The following TRPM8 variants were observed in gnomAD, a reference collection of about 807,000 sequenced individuals.
The protein encoded by TRPM8 is transient receptor potential cation channel subfamily M member 8.
Under a neutral mutation model 133.7 loss-of-function variants are expected in TRPM8, and 110 were observed. The ratio of observed to expected loss-of-function variants is 0.82; its 90% CI spans 0.70 to 0.96. The LOEUF (loss-of-function observed/expected upper bound fraction) is 0.96, where lower values mean the gene tolerates loss of function less well. Ranked by LOEUF, TRPM8 falls within the 40% of genes least tolerant of loss-of-function variation. The probability of loss-of-function intolerance (pLI) is 0.00; values close to 1 mark genes in which losing one functional copy is unlikely to be tolerated. For missense variants in TRPM8, 1,291 were observed against 1,379.5 expected (o/e 0.94, Z 1.02); for synonymous variants, 535 against 532.3 (o/e 1.01, Z -0.07).
chr2:233,926,433 A>AG (rs1341505635), intron 1 of TRPM8, 100 bp from the exon 2 acceptor site: 14 of 857,344 alleles, frequency 1.6e-5, no homozygotes, highest in Non-Finnish European at 2.8e-5. Context: ...CACGTGGCAA[A>AG]GGGGAGAGGG....
chr2:234,018,104 A>G lies in TRPM8; in HGVS notation c.*848A>G, dbSNP rs563865362. 6.6e-6 allele frequency: 1 copy of G among 152,304 alleles called. No individual in the cohort carries two copies. The highest frequency in any genetic ancestry group is 1.9e-4 in the East Asian group (1 of 5,188). 9.4% of individuals were successfully genotyped at this position (152,304 alleles called of 1,614,324 possible). A position where few individuals can be genotyped will look rare whatever the true frequency, so the allele number is the denominator to read the frequency against. On this transcript the variant is annotated 3_prime_UTR_variant, in exon 26 of 26. Coordinates refer to ENST00000324695, the MANE Select transcript of TRPM8 (RefSeq NM_024080.5). Reference sequence around the variant, plus strand: ...GGTAATCACTGCTAACAATTTCTGGATGGTTTTTCAAGTCTATTTTTTTTC... The same window carrying G: ...GGTAATCACTGCTAACAATTTCTGGGTGGTTTTTCAAGTCTATTTTTTTTC...
In TRPM8 at chr2:233,950,167, C is replaced by T; in HGVS notation, c.1140+21C>T. The T allele has an allele frequency of 1.9e-6, 3 of 1,603,532 alleles. No homozygotes were observed. The South Asian group carries it at 3.3e-5, about 18-fold the overall frequency. On this transcript the variant is annotated intron_variant, in intron 9 of 25. Transcript: ENST00000324695. ...AATGGGTAAGTTGTCGGGACCATGT[C>T]TGAGGGCTGAGAAAATAAGACAAGT...
chr2:233,965,053 T>TGG (rs58907890), intron 14 of TRPM8, among the ~76,000 whole-genome samples: 5 of 123,790 alleles, frequency 4.0e-5, no homozygotes, highest in Non-Finnish European at 9.2e-5. Flanking sequence ...CTTTTTTTTG[T>TGG]GGGGGGGGGG....
chr2:234,002,776 AG>A (rs150946927), intron 22 of TRPM8, among the ~76,000 whole-genome samples: 1 of 152,312 alleles, frequency 6.6e-6, no homozygotes, highest in Non-Finnish European at 1.5e-5. Context: ...GAATAGGGTT[AG>A]GTGGTCCTTC....
chr2:233,920,695 A>G (rs1410117530), intron 1 of TRPM8, among the ~76,000 whole-genome samples: 3 of 152,088 alleles, frequency 2.0e-5, no homozygotes, highest in Admixed American at 1.3e-4. Context: ...TTTTGAGATA[A>G]TTATAGCTTC....
At chr2:233,966,795 G>C (rs1029285151) in intron 15 of TRPM8, 40 bp downstream of exon 15, 1 of 1,473,188 alleles carries the variant, frequency 6.8e-7, no homozygotes. Context: ...GGCCAGAAAT[G>C]GGGCTTTTAT....
chr2:233,937,867 A>T (rs148188466), intron 4 of TRPM8, among the ~76,000 whole-genome samples: 5 of 152,190 alleles, frequency 3.3e-5, no homozygotes, highest in African/African-American at 1.2e-4. Flanking sequence ...ATGGCCCTGA[A>T]TATGCATTCC....
chr2:233,926,435 G>A (rs1691516897), intron 1 of TRPM8, 98 bp from the exon 2 acceptor site: 1 of 871,016 alleles, frequency 1.1e-6, no homozygotes, highest in East Asian at 2.4e-5. Flanking sequence ...CGTGGCAAAG[G>A]GGAGAGGGTG....
chr2:233,979,629 G>A lies in TRPM8; in HGVS notation c.2356-559G>A, dbSNP rs933059142. 7.9e-5 allele frequency among the ~76,000 whole-genome samples: 12 copies of A among 152,200 alleles called. No homozygotes were observed. In the South Asian group the frequency reaches 8.3e-4, roughly 11 times the overall value. On this transcript the variant is annotated intron_variant, in intron 17 of 25. Coordinates refer to ENST00000324695, the MANE Select transcript of TRPM8 (RefSeq NM_024080.5). Reference sequence around the variant, plus strand: ...GAATCATGACCAATACATACACGTCGGTCCCTGAGGCACACTGTTCCTGTC... The same window carrying A: ...GAATCATGACCAATACATACACGTCAGTCCCTGAGGCACACTGTTCCTGTC...
chr2:233,972,029 G>T (rs571939304), intron 17 of TRPM8, among the ~76,000 whole-genome samples: 1 of 152,286 alleles, frequency 6.6e-6, no homozygotes, highest in African/African-American at 2.4e-5. Flanking sequence ...TAGATACAGA[G>T]TGTCCACACA....
intron 19 of TRPM8, 54 bp from the exon 20 acceptor site, chr2:233,982,998 GA>G: frequency 6.4e-7 from 1 of 1,573,460 alleles, no homozygotes; most frequent in Non-Finnish European, 8.7e-7. Context: ...GGGCCGGGGG[GA>G]CTTGCCAACT....
chr2:233,966,837 TA>T (rs367837960), intron 15 of TRPM8, 82 bp downstream of exon 15: 1 of 1,415,816 alleles, frequency 7.1e-7, no homozygotes, highest in African/African-American at 1.5e-5. Flanking sequence ...TAAACAATAG[TA>T]AAAACAAACC....
chr2:233,997,535 C>G (rs72974141), intron 22 of TRPM8, among the ~76,000 whole-genome samples: 1,559 of 152,282 alleles, frequency 0.01, 13 homozygotes, highest in Non-Finnish European at 0.015. Flanking sequence ...TGGGCTGCTT[C>G]GTGCCCTCTG....
In TRPM8 at chr2:233,939,148, C is replaced by A. The variant is rs138240187; in HGVS notation, c.499C>A (p.Arg167=). Reference sequence around the variant, plus strand: ...GCCGCGCATGCGCAAGATCTTCAGCCGGCTCATCTACATCGCGCAGTCCAA... The same window carrying A: ...GCCGCGCATGCGCAAGATCTTCAGCAGGCTCATCTACATCGCGCAGTCCAA... ...LKPRMRKIFS[R]LIYIAQSKGA... Residue 167 remains arginine (R), a synonymous_variant, in exon 5 of 26, where the codon CGG becomes AGG. Coordinates refer to ENST00000324695, the MANE Select transcript of TRPM8 (RefSeq NM_024080.5). 3.1e-6 allele frequency: 5 copies of A among 1,613,994 alleles called. No homozygotes were observed. Among genetic ancestry groups the A allele is most frequent in the East Asian group, 2.2e-5 (1 of 44,892 alleles).
chr2:233,921,107 C>T (rs1443240934), intron 1 of TRPM8, among the ~76,000 whole-genome samples: 5 of 151,976 alleles, frequency 3.3e-5, no homozygotes, highest in Non-Finnish European at 5.9e-5. Flanking sequence ...GCGATCCACC[C>T]GCCTTGGCCT....
At chr2:233,941,499 G>A (rs1281422690) in intron 5 of TRPM8, among the ~76,000 whole-genome samples, 4 of 152,124 alleles carry the variant, frequency 2.6e-5, no homozygotes, top group African/African-American at 4.8e-5. Context: ...TTCTGAGGCC[G>A]TAGTAAAATT....
chr2:233,931,566 T>A (rs1691679715), intron 3 of TRPM8, among the ~76,000 whole-genome samples: 2 of 152,260 alleles, frequency 1.3e-5, no homozygotes. Flanking sequence ...CCTCACTGTG[T>A]GGCCTTGAGC....
chr2:233,923,690 A>C (rs1240115420), intron 1 of TRPM8, among the ~76,000 whole-genome samples: 1 of 152,138 alleles, frequency 6.6e-6, no homozygotes, highest in Non-Finnish European at 1.5e-5. Context: ...TCAATTAAGC[A>C]TTTCACTCAT....
intron 22 of TRPM8, among the ~76,000 whole-genome samples, chr2:234,000,401 G>A (rs961128637): frequency 2.6e-5 from 4 of 152,258 alleles, no homozygotes; most frequent in Non-Finnish European, 2.9e-5. Context: ...GAGCCACTGC[G>A]CCCTGGCCCT....
Sources: allele counts gnomAD v4.1 joint callset (sites outside exome capture counted in the v4.1 genomes callset), GRCh38; gene constraint gnomAD v4.1.1; transcripts MANE v1.5; gene names NCBI Gene and HGNC (gene_info 2026-07-23, HGNC 2026-07-21).